DIAPH3: variants seen among roughly 807,000 people sequenced by gnomAD.
DIAPH3 encodes diaphanous related formin 3.
DIAPH3 carries 117 observed loss-of-function variants against 144.3 expected under a neutral mutation model. That is an observed-to-expected ratio of 0.81 (90% confidence interval 0.70 to 0.95). The LOEUF (loss-of-function observed/expected upper bound fraction) is 0.95. DIAPH3 is among the 40% of genes least tolerant of loss of function. DIAPH3 has a pLI of 0.00. For missense variants in DIAPH3, 1,421 were observed against 1,412.7 expected (o/e 1.01, Z -0.09); for synonymous variants, 519 against 488.9 (o/e 1.06, Z -0.81).
At chr13:59,825,224 TC>T (rs2041324630) in intron 24 of DIAPH3, among the ~76,000 whole-genome samples, 1 of 151,902 alleles carries the variant, frequency 6.6e-6, no homozygotes, top group South Asian at 2.1e-4. Context: ...AGTGTGATGC[TC>T]CCCTTCCTGT....
intron 27 of DIAPH3, among the ~76,000 whole-genome samples, chr13:59,733,888 C>T (rs1042916022): frequency 6.6e-6 from 1 of 152,222 alleles, no homozygotes; most frequent in Non-Finnish European, 1.5e-5. Flanking sequence ...TGGGAGGAGA[C>T]AGTTTCTTAT....
chr13:59,973,601 C>T (rs960324612), intron 15 of DIAPH3, among the ~76,000 whole-genome samples: 3 of 151,948 alleles, frequency 2.0e-5, no homozygotes, highest in Non-Finnish European at 4.4e-5. Context: ...AAACTATCCA[C>T]TAAGCATTTA....
intron 27 of DIAPH3, among the ~76,000 whole-genome samples, chr13:59,702,062 T>C (rs1409697679): frequency 1.3e-5 from 2 of 152,244 alleles, no homozygotes; most frequent in Admixed American, 6.5e-5. Flanking sequence ...TTTCCTAAGA[T>C]AGTTCCTTTA....
At chr13:59,845,202 C>T (rs995996364) in intron 22 of DIAPH3, among the ~76,000 whole-genome samples, 1 of 151,884 alleles carries the variant, frequency 6.6e-6, no homozygotes, top group Admixed American at 6.6e-5. Context: ...TAAACCACCA[C>T]CTGGCTTATT....
chr13:60,118,317 T>C (rs2058749284), intron 2 of DIAPH3, among the ~76,000 whole-genome samples: 1 of 152,192 alleles, frequency 6.6e-6, no homozygotes, highest in African/African-American at 2.4e-5. Flanking sequence ...TATTACAACA[T>C]TTTAAACACC....
At chr13:60,100,989 ACATTTCCTCCTATTTT>A (rs1397132851) in intron 3 of DIAPH3, among the ~76,000 whole-genome samples, 1 of 152,142 alleles carries the variant, frequency 6.6e-6, no homozygotes, top group Non-Finnish European at 1.5e-5. Context: ...CCAACTGTTT[ACATTTCCTCCTATTTT>A]CATTCCAAAC....
At chr13:60,138,063 A>G (rs2059336221) in intron 1 of DIAPH3, among the ~76,000 whole-genome samples, 1 of 152,174 alleles carries the variant, frequency 6.6e-6, no homozygotes, top group African/African-American at 2.4e-5. Flanking sequence ...AGGGATTACC[A>G]ACATGAGGAA....
chr13:60,152,716 T>C (rs893710879), intron 1 of DIAPH3, among the ~76,000 whole-genome samples: 1 of 152,046 alleles, frequency 6.6e-6, no homozygotes, highest in Non-Finnish European at 1.5e-5. Flanking sequence ...TTTTGTATGA[T>C]ACATACATGA....
At chr13:59,805,208 A>T (rs555175152) in intron 25 of DIAPH3, among the ~76,000 whole-genome samples, 133 of 152,204 alleles carry the variant, frequency 8.7e-4, no homozygotes, top group Non-Finnish European at 1.7e-3. Context: ...ACATAATTAC[A>T]CAACACTGGG....
intron 7 of DIAPH3, among the ~76,000 whole-genome samples, chr13:60,013,812 C>G (rs1055799074): frequency 6.6e-6 from 1 of 152,042 alleles, no homozygotes; most frequent in Admixed American, 6.6e-5. Flanking sequence ...ATTAAGACAA[C>G]CATTAACCAA....
At chr13:59,880,014 G>T (rs974362033) in intron 20 of DIAPH3, among the ~76,000 whole-genome samples, 1 of 152,158 alleles carries the variant, frequency 6.6e-6, no homozygotes, top group Non-Finnish European at 1.5e-5. Flanking sequence ...CAGGAAAGTA[G>T]AATGACTCCT....
At chr13:60,068,323 C>A (rs2141334040) in intron 4 of DIAPH3, among the ~76,000 whole-genome samples, 1 of 152,218 alleles carries the variant, frequency 6.6e-6, no homozygotes, top group East Asian at 1.9e-4. Context: ...CACAGTTCCA[C>A]CAGCCATGTA....
chr13:59,863,759 A>T (rs2043743669), intron 21 of DIAPH3, among the ~76,000 whole-genome samples: 2 of 152,154 alleles, frequency 1.3e-5, no homozygotes, highest in Non-Finnish European at 2.9e-5. Context: ...TTTAAAAGAA[A>T]TACAGATTTC....
intron 21 of DIAPH3, 43 bp from the exon 22 acceptor site, chr13:59,861,579 T>G (rs1229142219): frequency 6.4e-7 from 1 of 1,573,128 alleles, no homozygotes; most frequent in East Asian, 2.2e-5. Flanking sequence ...GTCATAAGTA[T>G]GTTGATATTC....
At chr13:60,034,718 C>T (rs1214058996) in intron 5 of DIAPH3, 1 of 152,204 alleles carries the variant, frequency 6.6e-6, no homozygotes, top group African/African-American at 2.4e-5. Context: ...CCTGCCTCAG[C>T]CTCCCAAGTA....
At chr13:60,127,161 T>C (rs1423385259) in intron 2 of DIAPH3, among the ~76,000 whole-genome samples, 1 of 151,614 alleles carries the variant, frequency 6.6e-6, no homozygotes, top group Non-Finnish European at 1.5e-5. Flanking sequence ...GCAAAGGGGG[T>C]AATTAATACA....
At chr13:60,102,266 A>G (rs1044321939) in intron 3 of DIAPH3, among the ~76,000 whole-genome samples, 8 of 152,176 alleles carry the variant, frequency 5.3e-5, no homozygotes, top group Non-Finnish European at 7.3e-5. Context: ...GAGTATCAAT[A>G]TGTAAGCAAG....
At chr13:60,134,205 C>G (rs1250212302) in intron 1 of DIAPH3, among the ~76,000 whole-genome samples, 1 of 152,192 alleles carries the variant, frequency 6.6e-6, no homozygotes, top group African/African-American at 2.4e-5. Context: ...CCATTAGCCA[C>G]ACCACTAGGC....
chr13:59,890,125 G>A (rs1053819569), intron 20 of DIAPH3, among the ~76,000 whole-genome samples: 14 of 151,998 alleles, frequency 9.2e-5, no homozygotes, highest in African/African-American at 3.4e-4. Context: ...GGCTAGTCTT[G>A]CTCAGTGTAT....
Sources: gnomAD v4.1 joint callset for allele counts (sites outside exome capture counted in the v4.1 genomes callset) on GRCh38, gnomAD v4.1.1 for gene constraint, MANE v1.5 for transcripts, NCBI Gene and HGNC (gene_info 2026-07-23, HGNC 2026-07-21) for gene names.